Variants in SHANK2 observed in about 807,000 individuals in gnomAD.
SHANK2 encodes the protein SH3 and multiple ankyrin repeat domains 2.
In SHANK2, 43 loss-of-function variants were observed where a neutral mutation model predicts 133.7. That is an observed-to-expected ratio of 0.32 (90% CI 0.25 to 0.41). SHANK2 has a LOEUF of 0.41. SHANK2 is among the 10% of genes least tolerant of loss of function. The pLI is 1.00. For synonymous variants in SHANK2, 1,017 were observed against 952.8 expected (o/e 1.07, Z -1.24); for missense variants, 1,994 against 2,235.8 (o/e 0.89, Z 2.18).
chr11:70,697,809 T>C (rs1945428421), intron 15 of SHANK2, among the ~76,000 whole-genome samples: 1 of 151,980 alleles, frequency 6.6e-6, no homozygotes, highest in Non-Finnish European at 1.5e-5. Flanking sequence ...ATGAGTGGGG[T>C]CAGCTTCTGA....
intron 7 of SHANK2, among the ~76,000 whole-genome samples, chr11:71,093,153 G>A (rs1194001826): frequency 6.6e-6 from 1 of 151,960 alleles, no homozygotes; most frequent in Non-Finnish European, 1.5e-5. Flanking sequence ...GGGAGACGAG[G>A]AGACCTGCAG....
At chr11:70,910,189 G>A (rs1175416894) in intron 10 of SHANK2, among the ~76,000 whole-genome samples, 4 of 152,122 alleles carry the variant, frequency 2.6e-5, no homozygotes, top group Non-Finnish European at 5.9e-5. Context: ...ACATTCAGAG[G>A]TACTGAGGAT....
chr11:71,100,281 C>G (rs1951697034), intron 6 of SHANK2, among the ~76,000 whole-genome samples: 1 of 152,150 alleles, frequency 6.6e-6, no homozygotes, highest in Non-Finnish European at 1.5e-5. Flanking sequence ...CCTGAATGAG[C>G]TGAAAACTTA....
At chr11:71,181,802 T>C (rs558563999) in intron 2 of SHANK2, among the ~76,000 whole-genome samples, 87 of 152,072 alleles carry the variant, frequency 5.7e-4, no homozygotes, top group African/African-American at 2.1e-3. Context: ...TGTGGAGCAA[T>C]AAGATGTTCA....
chr11:70,931,260 A>G (rs1463112187), intron 10 of SHANK2, among the ~76,000 whole-genome samples: 1 of 152,222 alleles, frequency 6.6e-6, no homozygotes, highest in African/African-American at 2.4e-5. Flanking sequence ...TTTTGAGGTG[A>G]TGAAAATGTT....
At chr11:70,647,885 G>T (rs979469251) in intron 17 of SHANK2, among the ~76,000 whole-genome samples, 1 of 152,062 alleles carries the variant, frequency 6.6e-6, no homozygotes, top group Non-Finnish European at 1.5e-5. Flanking sequence ...AAGAAACACA[G>T]AATGACCACC....
chr11:71,080,775 C>T (rs2136001975), intron 8 of SHANK2, among the ~76,000 whole-genome samples: 2 of 152,306 alleles, frequency 1.3e-5, no homozygotes, highest in South Asian at 2.1e-4. Flanking sequence ...AAATCCCCCT[C>T]GCATGGCCTG....
intron 17 of SHANK2, among the ~76,000 whole-genome samples, chr11:70,556,816 T>A (rs1486906048): frequency 6.6e-6 from 1 of 152,144 alleles, no homozygotes; most frequent in Non-Finnish European, 1.5e-5. Flanking sequence ...GGTCTCTAAC[T>A]CCTGGCCTCA....
At chr11:70,652,092 G>A (rs2134216969) in intron 17 of SHANK2, among the ~76,000 whole-genome samples, 1 of 152,364 alleles carries the variant, frequency 6.6e-6, no homozygotes, top group African/African-American at 2.4e-5. Flanking sequence ...GCTGCTAGAG[G>A]GCAAAGTGGG....
At position 70,472,767 on chromosome 11, in the gene SHANK2, T is replaced by A. The variant is rs2058611831; in HGVS notation, c.*102A>T. 4 of 1,142,954 alleles carry A rather than the reference T, an allele frequency of 3.5e-6. No individual in the cohort carries two copies. Among genetic ancestry groups the A allele is most frequent in the Non-Finnish European group, 5.3e-6 (4 of 753,138 alleles). 70.8% of individuals were successfully genotyped at this position (1,142,954 alleles called of 1,614,324 possible). ...GGTACCAGGAGACAAACCCATGGAG[T>A]GGGGTTGATGCTCACAGACTTCGCT... On this transcript the variant is annotated 3_prime_UTR_variant, in exon 26 of 26. Coordinates refer to ENST00000601538, the MANE Select transcript of SHANK2 (RefSeq NM_012309.5). The surrounding 1 kb of genome is among the most constrained non-coding windows in gnomAD (Gnocchi z 4.4).
In SHANK2 at chr11:70,470,790, G is replaced by C. The variant is rs1418399845; in HGVS notation, c.*2079C>G. On this transcript the variant is annotated 3_prime_UTR_variant, in exon 26 of 26. Transcript: ENST00000601538. ...CAAATACAAAGATTGACCTGCAAAA[G>C]GTTTTGGAACAGAAGGTCCAAAAAC... is the stretch of plus-strand genomic sequence containing the variant. 1 of 152,554 alleles carries C rather than the reference G, an allele frequency of 6.6e-6. No individual in the cohort carries two copies. Among genetic ancestry groups the C allele is most frequent in the East Asian group, 1.9e-4 (1 of 5,216 alleles). The allele number at this position is 152,554 out of a possible 1,614,324, so 9.5% of individuals were successfully genotyped here.
At chr11:71,224,966 A>G (rs1555121949) in intron 1 of SHANK2, among the ~76,000 whole-genome samples, 170 bp from the exon 2 acceptor site, 2 of 152,188 alleles carry the variant, frequency 1.3e-5, no homozygotes, top group African/African-American at 4.8e-5. Context: ...ACAAAGCACA[A>G]CTAAAACTCA....
chr11:70,497,131 C>A lies in SHANK2; in HGVS notation c.2308+3439G>T, dbSNP rs58382251. ...GTGTAATTCAAATGAAAAAGGAAAA[C>A]CCTGCATTGGCTCCCCACAGGGGTG... On this transcript the variant is annotated intron_variant, in intron 21 of 25. Coordinates refer to ENST00000601538, the MANE Select transcript of SHANK2 (RefSeq NM_012309.5). 9.9e-3 allele frequency: 4,241 copies of A among 428,950 alleles called. 152 individuals are homozygous for A. The highest frequency in any genetic ancestry group is 0.079 in the African/African-American group (3,888 of 49,466). 26.6% of individuals were successfully genotyped at this position (428,950 alleles called of 1,614,324 possible). A position where few individuals can be genotyped will look rare whatever the true frequency, so the allele number is the denominator to read the frequency against.
intron 2 of SHANK2, among the ~76,000 whole-genome samples, chr11:71,219,599 A>G (rs186807534): frequency 8.5e-5 from 13 of 152,246 alleles, no homozygotes; most frequent in Non-Finnish European, 1.9e-4. Context: ...AAAAACAAAA[A>G]AAACAAACAG....
chr11:70,540,109 G>A (rs138347246), intron 17 of SHANK2, among the ~76,000 whole-genome samples: 2 of 152,134 alleles, frequency 1.3e-5, no homozygotes, highest in African/African-American at 4.8e-5. Flanking sequence ...CAGTCACATC[G>A]CAATGTCCCA....
chr11:70,729,702 TA>T, intron 14 of SHANK2, among the ~76,000 whole-genome samples: 1 of 151,038 alleles, frequency 6.6e-6, no homozygotes, highest in Non-Finnish European at 1.5e-5. Flanking sequence ...TTTTTTTTTG[TA>T]TTTTTTTTTT....
rs531513424 is a variant in SHANK2 at position 70,574,445 on chromosome 11, CTGTGACTGA to C, written c.2062-71523_2062-71515del. 7.2e-5 allele frequency among the ~76,000 whole-genome samples: 11 copies of C among 152,368 alleles called. No individual in the cohort carries two copies. In the South Asian group the frequency reaches 2.3e-3, roughly 32 times the overall value. ...CTTCTGCTCCATCCCAGCACTGCAA[CTGTGACTGA>C]TCACCTAATGTCTCCCATTCATTCA... On this transcript the variant is annotated intron_variant, in intron 17 of 25. Coordinates refer to ENST00000601538, the MANE Select transcript of SHANK2 (RefSeq NM_012309.5).
intron 2 of SHANK2, among the ~76,000 whole-genome samples, chr11:71,216,915 G>A (rs1381688611): frequency 2.0e-5 from 3 of 152,308 alleles, no homozygotes; most frequent in East Asian, 1.9e-4. Context: ...AAAATAAAGA[G>A]GCTGGGTGCA....
intron 14 of SHANK2, among the ~76,000 whole-genome samples, chr11:70,777,220 CATCT>C (rs1372674189): frequency 6.6e-6 from 1 of 151,980 alleles, no homozygotes; most frequent in African/African-American, 2.4e-5. Flanking sequence ...TTCACCCATC[CATCT>C]ATCCTCCCAG....
Sources: gnomAD v4.1 joint callset for allele counts (sites outside exome capture counted in the v4.1 genomes callset) on GRCh38, gnomAD v4.1.1 for gene constraint, Gnocchi (gnomAD v3.1) non-coding constraint, MANE v1.5 for transcripts, NCBI Gene and HGNC (gene_info 2026-07-23, HGNC 2026-07-21) for gene names.